Variants in MARCO observed in about 807,000 individuals in gnomAD.
The protein encoded by MARCO is macrophage receptor with collagenous structure, also known as macrophage receptor MARCO.
Under a neutral mutation model 70.0 loss-of-function variants are expected in MARCO, and 72 were observed. That is an observed-to-expected ratio of 1.03 (90% CI 0.85 to 1.25). MARCO has a LOEUF of 1.25. Among genes scored for constraint, MARCO ranks in the 50% most tolerant of loss-of-function variants. The pLI is 0.00. For synonymous variants in MARCO, 273 were observed against 243.1 expected, an observed-to-expected ratio of 1.12 and a Z score of -1.14; for missense variants, 696 against 659.3, an observed-to-expected ratio of 1.06 and a Z score of -0.61.
chr2:118,974,226 C>T lies in MARCO; in HGVS notation c.461-107C>T, dbSNP rs79327817. The stretch of plus-strand genomic sequence containing the variant: ...TCTTTCCACACAGTTGGCTCATCCC[C>T]ATGCTCAGTGAACGTTTGTTGAATG... On this transcript the variant is annotated intron_variant, in intron 4 of 16. Coordinates refer to ENST00000327097, the MANE Select transcript of MARCO (RefSeq NM_006770.4). The T allele has an allele frequency of 1.9e-3, 1,377 of 743,092 alleles. 14 individuals carry two copies. In the African/African-American group the frequency reaches 0.02, roughly 11 times the overall value. 46.0% of individuals were successfully genotyped at this position (743,092 alleles called of 1,614,324 possible).
chr2:118,946,090 G>A (rs1376510559), intron 1 of MARCO, among the ~76,000 whole-genome samples: 1 of 152,064 alleles, frequency 6.6e-6, no homozygotes, highest in Admixed American at 6.6e-5. Context: ...ACTTTTTATG[G>A]TGAAGTAGTT....
rs548132536 is a variant in MARCO at position 118,951,515 on chromosome 2, A to T, written c.97+9118A>T. Reference sequence around the variant, plus strand: ...GGTTTCCTCTAAAAGTTATTTTTCTACTTTGCTCTCTTAGCAAAGCAGTTG... The same window carrying T: ...GGTTTCCTCTAAAAGTTATTTTTCTTCTTTGCTCTCTTAGCAAAGCAGTTG... On this transcript the variant is annotated intron_variant, in intron 1 of 16. Coordinates refer to ENST00000327097, the MANE Select transcript of MARCO (RefSeq NM_006770.4). Among the ~76,000 whole-genome samples the T allele has an allele frequency of 2.0e-3, 305 of 152,302 alleles. 2 individuals carry two copies. The highest frequency in any genetic ancestry group is 3.9e-3 in the Non-Finnish European group (265 of 68,030).
At chr2:118,965,773 T>C (rs1245825047) in intron 1 of MARCO, among the ~76,000 whole-genome samples, 1 of 152,222 alleles carries the variant, frequency 6.6e-6, no homozygotes, top group East Asian at 1.9e-4. Context: ...AATTTAGTTT[T>C]CAGAGCCCTG....
At chr2:118,977,616 C>A in intron 7 of MARCO, 101 bp downstream of exon 7, 1 of 1,053,248 alleles carries the variant, frequency 9.5e-7, no homozygotes, top group Non-Finnish European at 1.4e-6. Flanking sequence ...CCCACCCCAG[C>A]CCCTGACAGT....
intron 1 of MARCO, among the ~76,000 whole-genome samples, chr2:118,944,076 A>C (rs1174990526): frequency 6.6e-6 from 1 of 152,068 alleles, no homozygotes; most frequent in Non-Finnish European, 1.5e-5. Flanking sequence ...GCTGGGGAGG[A>C]AGACGCAGGA....
intron 1 of MARCO, among the ~76,000 whole-genome samples, chr2:118,965,786 C>A (rs1440445393): frequency 6.6e-6 from 1 of 152,154 alleles, no homozygotes; most frequent in Non-Finnish European, 1.5e-5. Flanking sequence ...GAGCCCTGTC[C>A]ACGTTATTTT....
chr2:118,977,748 T>A, intron 7 of MARCO, 80 bp from the exon 8 acceptor site: 1 of 1,084,582 alleles, frequency 9.2e-7, no homozygotes, highest in Non-Finnish European at 1.3e-6. Context: ...CTCTCCCAAA[T>A]GCTTCCTGCC....
chr2:118,949,605 A>G (rs1679680072), intron 1 of MARCO: 1 of 150,604 alleles, frequency 6.6e-6, no homozygotes, highest in Admixed American at 6.7e-5. Context: ...GGTGGTAGGA[A>G]TAGTAATGGA....
At chr2:118,992,281 C>T (rs1250670253) in intron 14 of MARCO, 151 bp from the exon 15 acceptor site, 10 of 642,498 alleles carry the variant, frequency 1.6e-5, no homozygotes, top group Admixed American at 2.7e-5. Flanking sequence ...ACCCGCAGGA[C>T]ATCCCATCCC....
intron 1 of MARCO, among the ~76,000 whole-genome samples, chr2:118,948,801 ATGTTTGTT>A (rs70949952): frequency 9.2e-5 from 14 of 151,786 alleles, no homozygotes; most frequent in Non-Finnish European, 1.8e-4. Flanking sequence ...AATTGAAGCT[ATGTTTGTT>A]TGTTTGTTTG....
chr2:118,972,234 A>C (rs902713281), intron 4 of MARCO, among the ~76,000 whole-genome samples: 37 of 152,188 alleles, frequency 2.4e-4, no homozygotes, highest in African/African-American at 8.7e-4. Flanking sequence ...GCCTCAACCC[A>C]CATGTGTTGT....
intron 1 of MARCO, among the ~76,000 whole-genome samples, chr2:118,951,430 TTTG>T (rs1679720492): frequency 6.6e-6 from 1 of 152,342 alleles, no homozygotes; most frequent in Admixed American, 6.5e-5. Context: ...GCTTTTGGGT[TTTG>T]TTGTTTGTTT....
intron 6 of MARCO, among the ~76,000 whole-genome samples, chr2:118,975,140 A>G (rs1051750279): frequency 1.3e-5 from 2 of 152,292 alleles, no homozygotes; most frequent in South Asian, 4.1e-4. Context: ...CCATCTTATT[A>G]ATATAAATGG....
chr2:118,948,148 G>A (rs866346679), intron 1 of MARCO, among the ~76,000 whole-genome samples: 1 of 152,192 alleles, frequency 6.6e-6, no homozygotes, highest in Non-Finnish European at 1.5e-5. Context: ...TTAGCACAGA[G>A]ACAAAAGATC....
chr2:118,981,723 C>T (rs1217677593), intron 10 of MARCO, 67 bp downstream of exon 10: 3 of 1,416,914 alleles, frequency 2.1e-6, no homozygotes, highest in Non-Finnish European at 3.0e-6. Context: ...AAGCTGGGGA[C>T]CAGACACCAC....
rs1263731707 is a variant in MARCO, at chr2:118,992,422, C to T, written c.1208-10C>T. On this transcript the variant is annotated splice_polypyrimidine_tract_variant and intron_variant, in intron 14 of 16. Coordinates refer to ENST00000327097, the MANE Select transcript of MARCO (RefSeq NM_006770.4). ...TCTTTCAAACCGTGTGGGTTTTCTC[C>T]TCATGACAGGATCTTCTGGGGAGCA... 2 of 1,613,554 alleles carry T rather than the reference C, an allele frequency of 1.2e-6. No homozygotes were observed. Among genetic ancestry groups the T allele is most frequent in the South Asian group, 1.1e-5 (1 of 91,070 alleles).
chr2:118,964,674 G>T (rs1680010434), intron 1 of MARCO, among the ~76,000 whole-genome samples: 1 of 151,994 alleles, frequency 6.6e-6, no homozygotes, highest in African/African-American at 2.4e-5. Context: ...GATCTCTTGA[G>T]GTCAGGAATT....
intron 4 of MARCO, 28 bp downstream of exon 4, chr2:118,971,562 C>G (rs1372882410): frequency 6.2e-7 from 1 of 1,612,500 alleles, no homozygotes. Flanking sequence ...CACACCCACC[C>G]TGCTCTTTCC....
chr2:118,974,178 G>A (rs1023376019), intron 4 of MARCO, among the ~76,000 whole-genome samples, 155 bp from the exon 5 acceptor site: 2 of 152,212 alleles, frequency 1.3e-5, no homozygotes, highest in African/African-American at 4.8e-5. Flanking sequence ...GTTTCTTGCA[G>A]GAGGAGCTCT....
Sources: gnomAD v4.1 joint callset for allele counts (sites outside exome capture counted in the v4.1 genomes callset) on GRCh38, gnomAD v4.1.1 for gene constraint, MANE v1.5 for transcripts, NCBI Gene and HGNC (gene_info 2026-07-23, HGNC 2026-07-21) for gene names.